Variants in POLRMT observed in about 807,000 individuals in gnomAD.
POLRMT encodes the protein DNA-directed RNA polymerase, mitochondrial.
A neutral mutation model predicts 132.2 loss-of-function variants in POLRMT; 114 were observed. The ratio of observed to expected loss-of-function variants is 0.86; its 90% CI spans 0.74 to 1.01. The LOEUF is 1.01. Among genes scored for constraint, POLRMT ranks in the 50% least tolerant of loss-of-function variants. The pLI is 0.00. For synonymous variants in POLRMT, 1,020 were observed against 773.4 expected (o/e 1.32, Z -5.29); for missense variants, 2,003 against 1,729.1 (o/e 1.16, Z -2.81).
At position 619,971 on chromosome 19, in the gene POLRMT, C is replaced by T. The variant is rs748150531; in HGVS notation, c.2873G>A (p.Gly958Asp). ...GGCACACCCTACCTGCGCGGCCACGCCGCTGTACACGTCCTGCGGCACATC... is the reference window on the plus strand; with the variant it reads ...GGCACACCCTACCTGCGCGGCCACGTCGCTGTACACGTCCTGCGGCACATC... ...PSDVPQDVYS[G>D]VAAQVEVFRR... Residue 958 changes from glycine to aspartate, a missense_variant, in exon 12 of 21, where the codon GGC (glycine) becomes GAC (aspartate). Transcript: ENST00000588649. The T allele has an allele frequency of 1.3e-5, 21 of 1,600,592 alleles. No homozygotes were observed. Among genetic ancestry groups the T allele is most frequent in the Non-Finnish European group, 1.5e-5 (18 of 1,177,454 alleles).
rs140649984 is a variant in POLRMT at position 630,130 on chromosome 19, C to T, written c.232G>A (p.Val78Met). ...ARVRQLQAES[V>M]SEVVVNRVDV... Reference sequence around the variant, plus strand: ...ACCCTGTTCACCACCACCTCCGACACGCTCTCAGCCTGCAGCTGCCGCACC... The same window carrying T: ...ACCCTGTTCACCACCACCTCCGACATGCTCTCAGCCTGCAGCTGCCGCACC... The change falls in exon 3 of 21, where the codon GTG (valine) becomes ATG (methionine). Residue 78 changes from valine (V) to methionine (M), a missense_variant. Val to Met is a conservative substitution (Grantham distance 21, BLOSUM62 1). Transcript: ENST00000588649. The T allele has an allele frequency of 1.2e-3, 1,860 of 1,607,642 alleles. 4 individuals carry two copies. Among genetic ancestry groups the T allele is most frequent in the African/African-American group, 4.6e-3 (345 of 74,942 alleles).
intron 3 of POLRMT, among the ~76,000 whole-genome samples, chr19:627,043 GA>G (rs1276275684): frequency 1.3e-5 from 2 of 151,470 alleles, no homozygotes; most frequent in Non-Finnish European, 2.9e-5. Context: ...ATTCCAAAGG[GA>G]AAAAAATTCC....
In POLRMT at chr19:624,803, G is replaced by C. The variant is rs372017487; in HGVS notation, c.1056C>G (p.His352Gln). The change falls in exon 5 of 21, where the codon CAC becomes CAG. Residue 352 changes from histidine to glutamine, a missense_variant. By Grantham distance (24) the His-to-Gln change is conservative (BLOSUM62 0). Coordinates refer to ENST00000588649, the MANE Select transcript of POLRMT (RefSeq NM_005035.4). The stretch of plus-strand genomic sequence containing the variant: ...GGAGGCTGAAGGTGGGCTTCACCTT[G>C]TGCACGGCCTTCAGAACAGTGGCCC... ...EDRATVLKAV[H>Q]KVKPTFSLPP... is the part of the protein sequence containing the mutation. 3.1e-6 allele frequency: 5 copies of C among 1,613,408 alleles called. No homozygotes were observed. The African/African-American group carries it at 5.3e-5, about 17-fold the overall frequency.
In POLRMT at chr19:629,609, G is replaced by A. The variant is rs377089353; in HGVS notation, c.753C>T (p.Gly251=). Reference sequence around the variant, plus strand: ...TGAGCAGCTTCCGCTTCTGCCGCTGGCCGTGGTGGACGACCAGCAGGTGGT... The same window carrying A: ...TGAGCAGCTTCCGCTTCTGCCGCTGACCGTGGTGGACGACCAGCAGGTGGT... ...LAHHLLVVHH[G]QRQKRKLLTL... Residue 251 remains glycine, a synonymous_variant, in exon 3 of 21, where the codon GGC becomes GGT. Coordinates refer to ENST00000588649, the MANE Select transcript of POLRMT (RefSeq NM_005035.4). The A allele has an allele frequency of 2.2e-5, 35 of 1,605,146 alleles. No individual in the cohort carries two copies. The highest frequency in any genetic ancestry group is 2.9e-5 in the Non-Finnish European group (34 of 1,177,326).
chr19:620,049 G>C lies in POLRMT; in HGVS notation c.2795C>G (p.Ala932Gly). ...GCCCACGCTGTCGCGGCCCAGAGCAGCATAATGCTGCAGGCCGTTGCAAGA... is the reference window on the plus strand; with the variant it reads ...GCCCACGCTGTCGCGGCCCAGAGCACCATAATGCTGCAGGCCGTTGCAAGA... ...DGSCNGLQHY[A>G]ALGRDSVGAA... The change falls in exon 12 of 21, where the codon GCT becomes GGT. Residue 932 changes from alanine (A) to glycine (G), a missense_variant. Physicochemically the swap from Ala to Gly is moderately conservative, Grantham distance 60 (BLOSUM62 0). Transcript: ENST00000588649. The C allele has an allele frequency of 6.4e-7, 1 of 1,550,498 alleles. No individual in the cohort carries two copies. Among genetic ancestry groups the C allele is most frequent in the Non-Finnish European group, 8.7e-7 (1 of 1,152,728 alleles).
In POLRMT at chr19:619,721, C is replaced by T. The variant is rs746034032; in HGVS notation, c.2931G>A (p.Val977=). ...RRQDAQRGMR[V]AQVLEGFITR... ...TGATGAAACCTTCCAGCACCTGTGCCACCCGCATGCCCCGCTGGGCGTCCT... is the reference window on the plus strand; with the variant it reads ...TGATGAAACCTTCCAGCACCTGTGCTACCCGCATGCCCCGCTGGGCGTCCT... The change falls in exon 13 of 21, where the codon GTG becomes GTA. Residue 977 remains valine (V), a synonymous_variant. Coordinates refer to ENST00000588649, the MANE Select transcript of POLRMT (RefSeq NM_005035.4). 18 of 1,603,056 alleles carry T rather than the reference C, an allele frequency of 1.1e-5. No homozygotes were observed. The South Asian group carries it at 2.0e-4, about 18-fold the overall frequency.
chr19:625,307 CCTCCCTG>C, intron 3 of POLRMT, 53 bp from the exon 4 acceptor site: 1 of 1,604,378 alleles, frequency 6.2e-7, no homozygotes, highest in African/African-American at 1.3e-5. Context: ...ACCTCCACAT[CCTCCCTG>C]CTCCCTGGAG....
intron 3 of POLRMT, among the ~76,000 whole-genome samples, chr19:627,902 G>A (rs970972687): frequency 1.9e-4 from 27 of 140,908 alleles, no homozygotes; most frequent in South Asian, 2.3e-4. Flanking sequence ...CCTAGCCTGG[G>A]CAACAGACAG....
At position 621,246 on chromosome 19, in the gene POLRMT, T is replaced by C; in HGVS notation, c.2452A>G (p.Ser818Gly). 6.2e-7 allele frequency: 1 copy of C among 1,608,746 alleles called. No homozygotes were observed. The highest frequency in any genetic ancestry group is 8.5e-7 in the Non-Finnish European group (1 of 1,177,986). ...TCCAGCAGGGCCCGCGCCACGTCGCTGCCCAGGTGGTTGAAGTGCGGCGGG... is the reference window on the plus strand; with the variant it reads ...TCCAGCAGGGCCCGCGCCACGTCGCCGCCCAGGTGGTTGAAGTGCGGCGGG... ...PCPPHFNHLGSDVARALLEFA... is the reference protein window; with the variant it reads ...PCPPHFNHLGGDVARALLEFA... Residue 818 changes from serine to glycine, a missense_variant, in exon 10 of 21, where the codon AGC (serine) becomes GGC (glycine). Coordinates refer to ENST00000588649, the MANE Select transcript of POLRMT (RefSeq NM_005035.4).
intron 3 of POLRMT, among the ~76,000 whole-genome samples, chr19:626,182 GCT>G (rs1460275442): frequency 1.2e-4 from 18 of 151,676 alleles, no homozygotes; most frequent in Admixed American, 1.2e-3. Flanking sequence ...ATAGAGTCTC[GCT>G]CTGTCGCCCA....
chr19:625,092 T>TG (rs1324062043), intron 4 of POLRMT, 32 bp downstream of exon 4: 3 of 1,600,914 alleles, frequency 1.9e-6, no homozygotes, highest in South Asian at 2.2e-5. Context: ...AGGGACATGG[T>TG]GGGGGGTGGG....
chr19:620,377 G>A lies in POLRMT; in HGVS notation c.2751C>T (p.Leu917=), dbSNP rs1984423457. The A allele has an allele frequency of 1.9e-6, 3 of 1,578,892 alleles. No homozygotes were observed. The highest frequency in any genetic ancestry group is 8.6e-7 in the Non-Finnish European group (1 of 1,163,450). Residue 917 remains leucine (L), a synonymous_variant, in exon 11 of 21, where the codon CTC becomes CTT. Transcript: ENST00000588649. ...ASDPAAYVSH[L]PVHQDGSCNG... The stretch of plus-strand genomic sequence containing the variant: ...CCAGCTGGCTCACCTGATGGACGGG[G>A]AGGTGGGAGACATAGGCGGCAGGGT...
In POLRMT at chr19:620,397, C is replaced by T. The variant is rs1379520971; in HGVS notation, c.2731G>A (p.Ala911Thr). 1 of 1,584,322 alleles carries T rather than the reference C, an allele frequency of 6.3e-7. No homozygotes were observed. Among genetic ancestry groups the T allele is most frequent in the Admixed American group, 1.8e-5 (1 of 56,226 alleles). ...ACGGGGAGGTGGGAGACATAGGCGG[C>T]AGGGTCGGAGGCGCGCACAGCGTTC... ...VANAVRASDP[A>T]AYVSHLPVHQ... The change falls in exon 11 of 21, where the codon GCC (alanine) becomes ACC (threonine). Residue 911 changes from alanine to threonine, a missense_variant. Physicochemically the swap from Ala to Thr is moderately conservative, Grantham distance 58 (BLOSUM62 0). Coordinates refer to ENST00000588649, the MANE Select transcript of POLRMT (RefSeq NM_005035.4).
chr19:622,914 G>T lies in POLRMT; in HGVS notation c.1362C>A (p.Asn454Lys). 6.2e-7 allele frequency: 1 copy of T among 1,612,842 alleles called. No homozygotes were observed. The highest frequency in any genetic ancestry group is 2.2e-5 in the East Asian group (1 of 44,858). The change falls in exon 7 of 21, where the codon AAC (asparagine) becomes AAA (lysine). Residue 454 changes from asparagine (N) to lysine (K), a missense_variant. Coordinates refer to ENST00000588649, the MANE Select transcript of POLRMT (RefSeq NM_005035.4). ...CCTCGTACACCTCGCGCTCTAGGCG[G>T]TTCTTGGTCTCCCGCAGCGCCCGGC... ...ALCRALRETK[N>K]RLEREVYEGR... is the part of the protein sequence containing the mutation.
chr19:627,930 A>C (rs1348740612), intron 3 of POLRMT, among the ~76,000 whole-genome samples: 2 of 150,940 alleles, frequency 1.3e-5, no homozygotes, highest in Non-Finnish European at 3.0e-5. Flanking sequence ...ATCTCAAAAA[A>C]AAAAAAAAAA....
At chr19:632,725 A>T in intron 2 of POLRMT, 109 bp downstream of exon 2, 1 of 900,674 alleles carries the variant, frequency 1.1e-6, no homozygotes, top group South Asian at 1.7e-5. Flanking sequence ...CTGGGACCCG[A>T]GAGGTGGAGA....
chr19:621,026 G>C, intron 10 of POLRMT, 32 bp downstream of exon 10: 1 of 1,533,148 alleles, frequency 6.5e-7, no homozygotes, highest in Non-Finnish European at 8.7e-7. Context: ...GGGGTGCCGG[G>C]AGGGCGGGGA....
At chr19:631,344 G>C (rs939731278) in intron 2 of POLRMT, among the ~76,000 whole-genome samples, 5 of 150,346 alleles carry the variant, frequency 3.3e-5, no homozygotes, top group Admixed American at 1.3e-4. Context: ...AAAAAGGGGG[G>C]GGGGGACCCA....
chr19:619,424 G>C, intron 13 of POLRMT, 128 bp from the exon 14 acceptor site: 2 of 1,354,702 alleles, frequency 1.5e-6, no homozygotes, highest in Non-Finnish European at 2.0e-6. Flanking sequence ...ATGGGGCCTG[G>C]CGCCCACGCA....
Sources: allele counts gnomAD v4.1 joint callset (sites outside exome capture counted in the v4.1 genomes callset), GRCh38; gene constraint gnomAD v4.1.1; transcripts MANE v1.5; gene names NCBI Gene and HGNC (gene_info 2026-07-23, HGNC 2026-07-21).